Variants in FHIT observed in about 807,000 individuals in gnomAD.
FHIT encodes fragile histidine triad diadenosine triphosphatase.
FHIT carries 19 observed loss-of-function variants against 17.9 expected under a neutral mutation model. That is an observed-to-expected ratio of 1.06 (90% CI 0.74 to 1.56). FHIT has a LOEUF of 1.56. Among genes scored for constraint, FHIT ranks in the 40% most tolerant of loss-of-function variants. FHIT has a pLI of 0.00. For synonymous variants in FHIT, 81 were observed against 69.7 expected (o/e 1.16, Z -0.81); for missense variants, 248 against 189.2 (o/e 1.31, Z -1.82).
chr3:60,323,729 G>T (rs6446120), intron 5 of FHIT, among the ~76,000 whole-genome samples: 95,667 of 152,036 alleles, frequency 0.63, 30,661 homozygotes, highest in South Asian at 0.71. Flanking sequence ...CATTCTATCT[G>T]TACCATAAAT....
chr3:60,286,064 A>G (rs539553513), intron 5 of FHIT, among the ~76,000 whole-genome samples: 1 of 152,272 alleles, frequency 6.6e-6, no homozygotes, highest in South Asian at 2.1e-4. Context: ...AGCACACACC[A>G]ACATGCATGA....
At chr3:60,240,648 G>C (rs1705077876) in intron 5 of FHIT, among the ~76,000 whole-genome samples, 1 of 152,182 alleles carries the variant, frequency 6.6e-6, no homozygotes, top group African/African-American at 2.4e-5. Flanking sequence ...AGAAGGAAGA[G>C]GGATGATAAA....
rs138551444 is a variant in FHIT, at chr3:60,065,286, A to G, written c.104-51134T>C. Among the ~76,000 whole-genome samples, 473 of 152,300 alleles carry G rather than the reference A, an allele frequency of 3.1e-3. 1 individual carries two copies. The highest frequency in any genetic ancestry group is 0.011 in the African/African-American group (445 of 41,576). Reference sequence around the variant, plus strand: ...TAAAGAAATGTCTTTGGGATCAGCCATGCTCCTGGGATGAATCCTGACCTG... The same window carrying G: ...TAAAGAAATGTCTTTGGGATCAGCCGTGCTCCTGGGATGAATCCTGACCTG... On this transcript the variant is annotated intron_variant, in intron 5 of 9. Transcript: ENST00000492590.
chr3:60,879,632 A>G (rs1553757428), intron 3 of FHIT, among the ~76,000 whole-genome samples: 1 of 152,206 alleles, frequency 6.6e-6, no homozygotes, highest in African/African-American at 2.4e-5. Flanking sequence ...AAGAAACTCA[A>G]CAAGATACAA....
At chr3:59,952,202 A>T (rs1271555050) in intron 7 of FHIT, among the ~76,000 whole-genome samples, 2 of 152,154 alleles carry the variant, frequency 1.3e-5, no homozygotes, top group African/African-American at 4.8e-5. Context: ...TTTTCATCGT[A>T]TAAATGATTT....
chr3:61,208,466 A>T (rs1483603440), intron 1 of FHIT, among the ~76,000 whole-genome samples: 1 of 151,926 alleles, frequency 6.6e-6, no homozygotes, highest in Non-Finnish European at 1.5e-5. Flanking sequence ...TTTGTAGGTC[A>T]CTCAGGACTT....
At chr3:60,443,500 C>A (rs997053012) in intron 5 of FHIT, among the ~76,000 whole-genome samples, 25 of 152,110 alleles carry the variant, frequency 1.6e-4, no homozygotes, top group African/African-American at 6.0e-4. Context: ...TGAATTTTAT[C>A]AAAGGCCTTT....
intron 4 of FHIT, among the ~76,000 whole-genome samples, chr3:60,548,320 C>T (rs553700987): frequency 2.0e-4 from 30 of 152,200 alleles, no homozygotes; most frequent in African/African-American, 4.1e-4. Flanking sequence ...TGTTATCAGA[C>T]AACAAGCAGC....
intron 3 of FHIT, among the ~76,000 whole-genome samples, chr3:60,946,349 C>T (rs1408560146): frequency 6.6e-6 from 1 of 152,174 alleles, no homozygotes; most frequent in Non-Finnish European, 1.5e-5. Flanking sequence ...AATTCTTCAT[C>T]GTGCATAACA....
intron 3 of FHIT, among the ~76,000 whole-genome samples, chr3:60,822,848 T>A (rs1553739781): frequency 6.6e-6 from 1 of 152,170 alleles, no homozygotes; most frequent in Non-Finnish European, 1.5e-5. Flanking sequence ...AATCACTCAA[T>A]GACAATGCAC....
chr3:61,244,965 A>G (rs1482138932), intron 1 of FHIT, among the ~76,000 whole-genome samples: 4 of 152,172 alleles, frequency 2.6e-5, no homozygotes, highest in African/African-American at 7.2e-5. Flanking sequence ...GGAGTCAACC[A>G]AGAACCTGAG....
intron 3 of FHIT, among the ~76,000 whole-genome samples, chr3:61,029,960 A>G (rs1391314399): frequency 1.3e-5 from 2 of 152,026 alleles, no homozygotes; most frequent in Non-Finnish European, 2.9e-5. Flanking sequence ...ATCAAAATCT[A>G]CATTTTTGTT....
chr3:59,820,710 T>C (rs1436132770), intron 8 of FHIT, among the ~76,000 whole-genome samples: 1 of 152,192 alleles, frequency 6.6e-6, no homozygotes, highest in Non-Finnish European at 1.5e-5. Context: ...TGCAAATGTT[T>C]GCAGACCTCT....
intron 5 of FHIT, among the ~76,000 whole-genome samples, chr3:60,135,295 C>A (rs1699769962): frequency 6.6e-6 from 1 of 152,002 alleles, no homozygotes; most frequent in Admixed American, 6.6e-5. Context: ...AGGGACCAGG[C>A]AAATAGCATA....
intron 5 of FHIT, among the ~76,000 whole-genome samples, chr3:60,069,892 T>C (rs1473213083): frequency 6.6e-6 from 1 of 152,152 alleles, no homozygotes; most frequent in Non-Finnish European, 1.5e-5. Flanking sequence ...CAAAATAATA[T>C]AAATTTACCA....
intron 4 of FHIT, among the ~76,000 whole-genome samples, chr3:60,655,034 A>G (rs980327977): frequency 1.2e-4 from 18 of 152,202 alleles, no homozygotes; most frequent in African/African-American, 1.4e-4. Context: ...GGCAAGCCCA[A>G]TAGAAGTTGA....
intron 5 of FHIT, among the ~76,000 whole-genome samples, chr3:60,375,664 A>G (rs576437528): frequency 2.6e-5 from 4 of 152,282 alleles, no homozygotes; most frequent in East Asian, 1.9e-4. Context: ...TTCTGTGAAG[A>G]CAACTGGTTA....
At chr3:59,951,977 T>C (rs1435899553) in intron 7 of FHIT, among the ~76,000 whole-genome samples, 1 of 152,206 alleles carries the variant, frequency 6.6e-6, no homozygotes, top group Non-Finnish European at 1.5e-5. Flanking sequence ...GTTGACATCA[T>C]GTGTGGCCTT....
At chr3:60,141,441 G>GA (rs1231389375) in intron 5 of FHIT, among the ~76,000 whole-genome samples, 2 of 145,672 alleles carry the variant, frequency 1.4e-5, no homozygotes, top group Admixed American at 6.9e-5. Flanking sequence ...ATGAGATATT[G>GA]AAAAATCAAA....
Sources: gnomAD v4.1 joint callset for allele counts (sites outside exome capture counted in the v4.1 genomes callset) on GRCh38, gnomAD v4.1.1 for gene constraint, MANE v1.5 for transcripts, NCBI Gene and HGNC (gene_info 2026-07-23, HGNC 2026-07-21) for gene names.